The following SLC9A9 variants were observed in gnomAD, a reference collection of about 807,000 sequenced individuals.
SLC9A9 encodes the protein sodium/hydrogen exchanger 9.
In SLC9A9, 62 loss-of-function variants were observed where a neutral mutation model predicts 77.8. The observed-to-expected ratio is 0.80, with a 90% CI of 0.65 to 0.98. The LOEUF (loss-of-function observed/expected upper bound fraction) is 0.98, where lower values mean the gene tolerates loss of function less well. Among genes scored for constraint, SLC9A9 ranks in the 50% least tolerant of loss-of-function variants. The pLI, the probability that SLC9A9 is intolerant of heterozygous loss-of-function variation, is 0.00. For missense variants in SLC9A9, 775 were observed against 774.9 expected (o/e 1.00, Z 0.00); for synonymous variants, 320 against 283.5 (o/e 1.13, Z -1.29).
chr3:143,651,722 G>C (rs977197674), intron 6 of SLC9A9, among the ~76,000 whole-genome samples: 2 of 152,154 alleles, frequency 1.3e-5, no homozygotes, highest in African/African-American at 4.8e-5. Flanking sequence ...CAGCGCAAAG[G>C]GAAATTGCAC....
intron 4 of SLC9A9, among the ~76,000 whole-genome samples, chr3:143,726,214 ACC>A (rs34294428): frequency 1.4e-5 from 2 of 147,334 alleles, no homozygotes; most frequent in African/African-American, 5.0e-5. Flanking sequence ...CTGCACATGC[ACC>A]CCTGAACTTA....
intron 12 of SLC9A9, among the ~76,000 whole-genome samples, chr3:143,438,690 T>C (rs138680405): frequency 6.6e-5 from 10 of 152,298 alleles, no homozygotes; most frequent in African/African-American, 2.4e-4. Flanking sequence ...GGTATGGGGC[T>C]CTCTGCTCCA....
intron 13 of SLC9A9, 158 bp downstream of exon 13, chr3:143,381,902 G>C: frequency 1.2e-6 from 1 of 849,282 alleles, no homozygotes; most frequent in South Asian, 1.5e-5. Context: ...TCAACACCCT[G>C]AATTCCCTTG....
chr3:143,320,420 C>T (rs2031377089), intron 14 of SLC9A9, among the ~76,000 whole-genome samples: 1 of 152,172 alleles, frequency 6.6e-6, no homozygotes, highest in Non-Finnish European at 1.5e-5. Context: ...GGCTGGGTGA[C>T]TTATAAAGAA....
At chr3:143,408,470 T>G (rs1359098084) in intron 12 of SLC9A9, among the ~76,000 whole-genome samples, 1 of 152,196 alleles carries the variant, frequency 6.6e-6, no homozygotes, top group African/African-American at 2.4e-5. Flanking sequence ...TGTATAATAT[T>G]TATATGTAAG....
chr3:143,777,211 A>C (rs1213502944), intron 4 of SLC9A9, among the ~76,000 whole-genome samples: 3 of 152,194 alleles, frequency 2.0e-5, no homozygotes, highest in Middle Eastern at 3.2e-3. Context: ...TTAAAACTGG[A>C]CAATCAGAGT....
At chr3:143,703,533 A>C (rs9873340) in intron 4 of SLC9A9, among the ~76,000 whole-genome samples, 80,682 of 151,500 alleles carry the variant, frequency 0.53, 21,851 homozygotes, top group Non-Finnish European at 0.57. Context: ...AATAGAAACA[A>C]AACATACCAA....
chr3:143,488,683 G>T (rs1576530994), intron 11 of SLC9A9, among the ~76,000 whole-genome samples: 3 of 151,858 alleles, frequency 2.0e-5, no homozygotes, highest in South Asian at 4.1e-4. Context: ...AACATCATTT[G>T]ATAAAATTTA....
At chr3:143,523,287 G>A (rs1341712994) in intron 9 of SLC9A9, among the ~76,000 whole-genome samples, 1 of 152,044 alleles carries the variant, frequency 6.6e-6, no homozygotes, top group Non-Finnish European at 1.5e-5. Context: ...TTATAAGGCA[G>A]GAAGAAATCA....
At chr3:143,828,955 G>C (rs766598338) in intron 2 of SLC9A9, among the ~76,000 whole-genome samples, 1 of 152,088 alleles carries the variant, frequency 6.6e-6, no homozygotes, top group Middle Eastern at 3.2e-3. Context: ...CAAAACCCTT[G>C]ATACTCCCTA....
intron 9 of SLC9A9, among the ~76,000 whole-genome samples, chr3:143,538,221 CTA>C (rs2036626289): frequency 6.6e-6 from 1 of 152,146 alleles, no homozygotes; most frequent in Non-Finnish European, 1.5e-5. Context: ...TTAAATCAGA[CTA>C]TATTTTTTCC....
chr3:143,357,745 C>A (rs183271727), intron 14 of SLC9A9, among the ~76,000 whole-genome samples: 1 of 152,226 alleles, frequency 6.6e-6, no homozygotes, highest in African/African-American at 2.4e-5. Context: ...GCTCAGTTGC[C>A]TCATTTATAA....
chr3:143,632,532 A>C (rs1212550543), intron 6 of SLC9A9, among the ~76,000 whole-genome samples: 1 of 152,168 alleles, frequency 6.6e-6, no homozygotes, highest in East Asian at 1.9e-4. Context: ...CCACACAGTA[A>C]CATTACCCAA....
intron 4 of SLC9A9, among the ~76,000 whole-genome samples, chr3:143,788,140 TA>T (rs2008110574): frequency 1.0e-5 from 1 of 100,128 alleles, no homozygotes; most frequent in African/African-American, 3.9e-5. Flanking sequence ...GGCCATACAA[TA>T]AGTGGTATTA....
At chr3:143,325,148 C>G (rs914821402) in intron 14 of SLC9A9, among the ~76,000 whole-genome samples, 1 of 151,482 alleles carries the variant, frequency 6.6e-6, no homozygotes, top group Non-Finnish European at 1.5e-5. Context: ...TGAGATCACT[C>G]TCTGGTGGCC....
At chr3:143,396,445 G>T (rs1251407564) in intron 12 of SLC9A9, among the ~76,000 whole-genome samples, 2 of 152,156 alleles carry the variant, frequency 1.3e-5, no homozygotes, top group African/African-American at 4.8e-5. Flanking sequence ...GCCTGTTGTG[G>T]GTTGGGGGGC....
At chr3:143,419,026 T>A (rs992759421) in intron 12 of SLC9A9, among the ~76,000 whole-genome samples, 1 of 152,226 alleles carries the variant, frequency 6.6e-6, no homozygotes, top group Non-Finnish European at 1.5e-5. Flanking sequence ...TTCTTGTCCC[T>A]TTCCCTTGAT....
intron 4 of SLC9A9, among the ~76,000 whole-genome samples, chr3:143,767,499 T>C (rs1332155616): frequency 6.6e-6 from 1 of 151,880 alleles, no homozygotes; most frequent in Non-Finnish European, 1.5e-5. Flanking sequence ...CTTGTTAACC[T>C]CAACTAGAAA....
chr3:143,678,829 G>A (rs180824727), intron 5 of SLC9A9, among the ~76,000 whole-genome samples: 94 of 152,286 alleles, frequency 6.2e-4, no homozygotes, highest in African/African-American at 2.2e-3. Context: ...ATGAATTGGA[G>A]GAAAGTAGAA....
Sources: allele counts gnomAD v4.1 joint callset (sites outside exome capture counted in the v4.1 genomes callset), GRCh38; gene constraint gnomAD v4.1.1; transcripts MANE v1.5; gene names NCBI Gene and HGNC (gene_info 2026-07-23, HGNC 2026-07-21).